Variants in LRRC36 observed in about 807,000 individuals in gnomAD.
LRRC36 encodes leucine-rich repeat-containing protein 36.
LRRC36 carries 62 observed loss-of-function variants against 81.1 expected under a neutral mutation model. The ratio of observed to expected loss-of-function variants is 0.76; its 90% confidence interval spans 0.62 to 0.94. The LOEUF (loss-of-function observed/expected upper bound fraction) is 0.94, where lower values mean the gene tolerates loss of function less well. Among genes scored for constraint, LRRC36 ranks in the 40% least tolerant of loss-of-function variants. LRRC36 has a pLI of 0.00. For synonymous variants in LRRC36, 334 were observed against 348.6 expected (o/e 0.96, Z 0.47); for missense variants, 761 against 881.7 (o/e 0.86, Z 1.73).
chr16:67,351,895 C>A (rs1236229542), intron 5 of LRRC36, among the ~76,000 whole-genome samples: 1 of 152,070 alleles, frequency 6.6e-6, no homozygotes, highest in African/African-American at 2.4e-5. Context: ...TGAAAAACAA[C>A]ATTTTGGTCC....
At chr16:67,363,029 C>A (rs2039229483) in intron 5 of LRRC36, among the ~76,000 whole-genome samples, 1 of 152,122 alleles carries the variant, frequency 6.6e-6, no homozygotes, top group Non-Finnish European at 1.5e-5. Flanking sequence ...GTGATCTGCC[C>A]ACCTCAGCCT....
rs1035130904 is a variant in LRRC36, at chr16:67,363,496, T to C, written c.578-94T>C. 5 of 1,315,742 alleles carry C rather than the reference T, an allele frequency of 3.8e-6. No homozygotes were observed. In the African/African-American group the frequency reaches 4.4e-5, roughly 12 times the overall value. The allele number at this position is 1,315,742 out of a possible 1,614,324, so 81.5% of individuals were successfully genotyped here. A position where few individuals can be genotyped will look rare whatever the true frequency, so the allele number is the denominator to read the frequency against. ...GTGGCACCAGAACTAGCACTCAATC[T>C]TGTGACTTTCCTTTTAGTATCTATC... On this transcript the variant is annotated intron_variant, in intron 5 of 13. Transcript: ENST00000329956.
intron 8 of LRRC36, among the ~76,000 whole-genome samples, chr16:67,370,630 CAAA>C (rs576313559): frequency 0.13 from 10,883 of 82,448 alleles, 1,460 homozygotes; most frequent in African/African-American, 0.35. Flanking sequence ...GAGACTCTCT[CAAA>C]AAAAAAAAAA....
At chr16:67,337,953 G>A (rs1024313759) in intron 1 of LRRC36, among the ~76,000 whole-genome samples, 6 of 152,022 alleles carry the variant, frequency 3.9e-5, no homozygotes, top group East Asian at 2.0e-4. Flanking sequence ...GTGTGGTGGC[G>A]TATGCCTGTA....
chr16:67,326,851 C>T lies in LRRC36; in HGVS notation c.-12C>T, dbSNP rs376988097. On this transcript the variant is annotated 5_prime_UTR_variant, in exon 1 of 14. Coordinates refer to ENST00000329956, the MANE Select transcript of LRRC36 (RefSeq NM_018296.6). ...GGTCTCGCGGGCGGTGGCAGGTGAG[C>T]GGCGGGCGGGGATGGCGGAGCAATG... is the stretch of plus-strand genomic sequence containing the variant. The T allele has an allele frequency of 1.1e-5, 15 of 1,425,382 alleles. No individual in the cohort carries two copies. Among genetic ancestry groups the T allele is most frequent in the African/African-American group, 3.0e-5 (2 of 65,792 alleles). The allele number at this position is 1,425,382 out of a possible 1,614,324, so 88.3% of individuals were successfully genotyped here. A position where few individuals can be genotyped will look rare whatever the true frequency, so the allele number is the denominator to read the frequency against.
At chr16:67,368,556 G>A (rs1352615908) in intron 8 of LRRC36, among the ~76,000 whole-genome samples, 2 of 152,192 alleles carry the variant, frequency 1.3e-5, no homozygotes, top group Non-Finnish European at 2.9e-5. Flanking sequence ...GGCCAGTGCG[G>A]CCTCAGCAAA....
intron 5 of LRRC36, 120 bp from the exon 6 acceptor site, chr16:67,363,469 TG>T: frequency 1.2e-6 from 1 of 860,482 alleles, no homozygotes; most frequent in Non-Finnish European, 1.8e-6. Context: ...GGTCTCCAAG[TG>T]GTGGCACCAG....
chr16:67,360,496 A>C (rs1456761959), intron 5 of LRRC36, among the ~76,000 whole-genome samples: 1 of 152,160 alleles, frequency 6.6e-6, no homozygotes, highest in Admixed American at 6.5e-5. Flanking sequence ...CAGCCTACTA[A>C]CCATTCTCAT....
At chr16:67,355,950 G>C (rs914327815) in intron 5 of LRRC36, among the ~76,000 whole-genome samples, 4 of 152,188 alleles carry the variant, frequency 2.6e-5, no homozygotes, top group Non-Finnish European at 5.9e-5. Flanking sequence ...TTACTGTCTG[G>C]AAGTGGTAAG....
chr16:67,384,831 T>A, intron 13 of LRRC36, 39 bp from the exon 14 acceptor site: 1 of 1,554,514 alleles, frequency 6.4e-7, no homozygotes, highest in Non-Finnish European at 8.9e-7. Flanking sequence ...CTCTCTTGCT[T>A]TTATGATTTC....
intron 8 of LRRC36, among the ~76,000 whole-genome samples, chr16:67,370,586 T>C (rs1185469816): frequency 1.3e-5 from 2 of 148,366 alleles, no homozygotes; most frequent in African/African-American, 5.1e-5. Flanking sequence ...TGAGCCGAGA[T>C]TGTGCCACTG....
At position 67,326,875 on chromosome 16, in the gene LRRC36, T is replaced by C. The variant is rs566896949; in HGVS notation, c.13T>C (p.Trp5Arg). ...GCGGCGGGCGGGGATGGCGGAGCAA[T>C]GGGAGCTGGACGAGGAAGGCATTCG... MAEQ[W>R]ELDEEGIRRL... The change falls in exon 1 of 14, where the codon TGG (tryptophan) becomes CGG (arginine). Residue 5 changes from tryptophan to arginine, a missense_variant. By Grantham distance (101) the Trp-to-Arg change is moderately radical (BLOSUM62 -3). Around this residue, in one of 3 missense-constraint regions of LRRC36, gnomAD observed 263 missense variants for 279.3 expected, o/e 0.94. Coordinates refer to ENST00000329956, the MANE Select transcript of LRRC36 (RefSeq NM_018296.6). 2 of 1,441,496 alleles carry C rather than the reference T, an allele frequency of 1.4e-6. No individual in the cohort carries two copies. Among genetic ancestry groups the C allele is most frequent in the African/African-American group, 1.5e-5 (1 of 65,918 alleles). 89.3% of individuals were successfully genotyped at this position (1,441,496 alleles called of 1,614,324 possible). A position where few individuals can be genotyped will look rare whatever the true frequency, so the allele number is the denominator to read the frequency against.
intron 1 of LRRC36, among the ~76,000 whole-genome samples, chr16:67,335,954 A>G (rs1597426026): frequency 6.7e-6 from 1 of 149,266 alleles, no homozygotes; most frequent in Non-Finnish European, 1.5e-5. Context: ...CTGGTCTCAA[A>G]CCCCCAGCCT....
rs571926335 is a variant in LRRC36 at position 67,367,375 on chromosome 16, C to T, written c.1113C>T (p.Thr371=). The T allele has an allele frequency of 3.0e-4, 488 of 1,613,964 alleles. No homozygotes were observed. The highest frequency in any genetic ancestry group is 4.0e-4 in the Non-Finnish European group (470 of 1,179,970). The change falls in exon 8 of 14, where the codon ACC becomes ACT. Residue 371 remains threonine (T), a synonymous_variant. Coordinates refer to ENST00000329956, the MANE Select transcript of LRRC36 (RefSeq NM_018296.6). ...AGCCTTCAAATGACATAAAGACCACCGCTTCACATTCCTGTGGAGACTTAT... is the reference window on the plus strand; with the variant it reads ...AGCCTTCAAATGACATAAAGACCACTGCTTCACATTCCTGTGGAGACTTAT... ...SIKPSNDIKT[T]ASHSCGDLLT... is the part of the protein sequence containing the mutation.
At chr16:67,350,988 A>G (rs2038603588) in intron 5 of LRRC36, among the ~76,000 whole-genome samples, 1 of 152,232 alleles carries the variant, frequency 6.6e-6, no homozygotes. Context: ...TGGTGAGCCG[A>G]GATCACGCCA....
intron 5 of LRRC36, among the ~76,000 whole-genome samples, chr16:67,351,980 A>G (rs1232689691): frequency 6.6e-6 from 1 of 152,170 alleles, no homozygotes; most frequent in East Asian, 1.9e-4. Flanking sequence ...TTCTAGGTAC[A>G]GGCATTTAAG....
At chr16:67,357,113 T>G (rs367943565) in intron 5 of LRRC36, among the ~76,000 whole-genome samples, 1 of 152,192 alleles carries the variant, frequency 6.6e-6, no homozygotes, top group Non-Finnish European at 1.5e-5. Flanking sequence ...ACAGATTGAT[T>G]AAGTCCTGGA....
intron 5 of LRRC36, among the ~76,000 whole-genome samples, chr16:67,352,264 T>C (rs1332929249): frequency 6.6e-6 from 1 of 152,218 alleles, no homozygotes; most frequent in African/African-American, 2.4e-5. Flanking sequence ...CTGAAAATTG[T>C]GTTTGTGCTG....
At chr16:67,340,944 A>T (rs1266562755) in intron 1 of LRRC36, among the ~76,000 whole-genome samples, 1 of 145,810 alleles carries the variant, frequency 6.9e-6, no homozygotes, top group Non-Finnish European at 1.5e-5. Context: ...ACTCTATAGA[A>T]TATAGAATAT....
Sources: allele counts gnomAD v4.1 joint callset (sites outside exome capture counted in the v4.1 genomes callset), GRCh38; gene constraint gnomAD v4.1.1; regional missense constraint gnomAD v4.1.1; transcripts MANE v1.5; gene names NCBI Gene and HGNC (gene_info 2026-07-23, HGNC 2026-07-21).